Variants in CCDC88A observed in about 807,000 individuals in gnomAD.
CCDC88A encodes the protein coiled-coil and HOOK domain protein 88A.
In CCDC88A, 54 loss-of-function variants were observed where a neutral mutation model predicts 234.3. The ratio of observed to expected loss-of-function variants is 0.23; its 90% CI spans 0.19 to 0.29. The LOEUF (loss-of-function observed/expected upper bound fraction) is 0.29. Ranked by LOEUF, CCDC88A falls within the 10% of genes least tolerant of loss-of-function variation. The pLI is 1.00. For synonymous variants in CCDC88A, 753 were observed against 737.8 expected, an observed-to-expected ratio of 1.02 and a Z score of -0.33; for missense variants, 1,832 against 2,123.4, an observed-to-expected ratio of 0.86 and a Z score of 2.70.
At chr2:55,414,573 A>G (rs1313869076) in intron 2 of CCDC88A, among the ~76,000 whole-genome samples, 1 of 152,232 alleles carries the variant, frequency 6.6e-6, no homozygotes, top group Admixed American at 6.5e-5. Context: ...ACTCAATGAA[A>G]TTCAGGATTC....
intron 2 of CCDC88A, among the ~76,000 whole-genome samples, chr2:55,390,317 G>C: frequency 6.6e-6 from 1 of 152,058 alleles, no homozygotes; most frequent in Middle Eastern, 3.2e-3. Flanking sequence ...TTAGAAGTGG[G>C]AAGACCCTAT....
Position 55,309,272 on chromosome 2 carries a change from C to G in CCDC88A, c.4080-18G>C. The stretch of plus-strand genomic sequence containing the variant: ...ACTTATCACTATAAAATAAAAATTA[C>G]CTTTTAGGACAGGCATCATATTTTG... On this transcript the variant is annotated intron_variant, in intron 23 of 32. Coordinates refer to ENST00000436346, the MANE Select transcript of CCDC88A (RefSeq NM_001365480.1). The surrounding 1 kb of genome is among the most constrained non-coding windows in gnomAD (Gnocchi z 5.1). The G allele has an allele frequency of 3.6e-6, 4 of 1,120,990 alleles. No homozygotes were observed. The highest frequency in any genetic ancestry group is 5.3e-6 in the Non-Finnish European group (4 of 758,444). The allele number at this position is 1,120,990 out of a possible 1,614,324, so 69.4% of individuals were successfully genotyped here.
At chr2:55,354,641 G>A (rs1188822140) in intron 8 of CCDC88A, among the ~76,000 whole-genome samples, 2 of 151,608 alleles carry the variant, frequency 1.3e-5, no homozygotes, top group Non-Finnish European at 2.9e-5. Context: ...TCGGCTCACT[G>A]CAACTTCCAC....
intron 5 of CCDC88A, among the ~76,000 whole-genome samples, chr2:55,367,098 C>T (rs964828857): frequency 6.6e-6 from 1 of 152,118 alleles, no homozygotes; most frequent in African/African-American, 2.4e-5. Flanking sequence ...CTGACACATG[C>T]TATAGCATGA....
chr2:55,388,931 T>A, intron 2 of CCDC88A, 45 bp from the exon 3 acceptor site: 1 of 616,866 alleles, frequency 1.6e-6, no homozygotes, highest in East Asian at 3.4e-5. Flanking sequence ...AAAATACTAC[T>A]ATCAATCTAT....
chr2:55,315,876 C>G (rs1034812785), intron 22 of CCDC88A, 52 bp downstream of exon 22: 1 of 937,816 alleles, frequency 1.1e-6, no homozygotes, highest in Admixed American at 2.8e-5. Flanking sequence ...ATTTCTTAGG[C>G]ATGTCTTGGT....
intron 9 of CCDC88A, 76 bp from the exon 10 acceptor site, chr2:55,346,409 TTTTATTTATTTA>T: frequency 1.3e-6 from 1 of 797,252 alleles, no homozygotes; most frequent in South Asian, 2.3e-5. Flanking sequence ...CAATTTGAAA[TTTTATTTATTTA>T]TTTATTTATT....
At position 55,332,647 on chromosome 2, in the gene CCDC88A, A is replaced by C; in HGVS notation, c.2774T>G (p.Leu925Arg). 1 of 1,613,458 alleles carries C rather than the reference A, an allele frequency of 6.2e-7. No homozygotes were observed. Residue 925 changes from leucine (L) to arginine (R), a missense_variant, in exon 16 of 33, where the codon CTC (leucine) becomes CGC (arginine). Physicochemically the swap from Leu to Arg is moderately radical, Grantham distance 102. This residue lies in a region of CCDC88A where 1,282 missense variants were observed against 1,543.6 expected (regional missense o/e 0.83). Transcript: ENST00000436346. This position sits in a 1 kb window ranked among gnomAD's most constrained non-coding sequence, Gnocchi z 4.5. The part of the protein sequence containing the change: ...KLKTQQMNND[L>R]EKLTHELEKI... ...CTCAAGCTCATGAGTTAATTTTTCGAGATCATTGTTCATCTGTTGGGTCTT... is the reference window on the plus strand; with the variant it reads ...CTCAAGCTCATGAGTTAATTTTTCGCGATCATTGTTCATCTGTTGGGTCTT...
At chr2:55,407,906 C>T (rs933177722) in intron 2 of CCDC88A, among the ~76,000 whole-genome samples, 8 of 147,964 alleles carry the variant, frequency 5.4e-5, no homozygotes, top group African/African-American at 1.7e-4. Flanking sequence ...TTAGTAGAGA[C>T]GGGGTTTCAC....
In CCDC88A at chr2:55,302,083, A is replaced by T. The variant is rs774367318; in HGVS notation, c.4472-11T>A. On this transcript the variant is annotated splice_polypyrimidine_tract_variant and intron_variant, in intron 26 of 32. Transcript: ENST00000436346. ...CCAGGTCATTCATGGCTGGGATGCA[A>T]ATGAAAGCAAATGAATCAGCATGGT... The T allele has an allele frequency of 1.3e-6, 2 of 1,583,540 alleles. No homozygotes were observed. Among genetic ancestry groups the T allele is most frequent in the Admixed American group, 3.3e-5 (2 of 59,946 alleles).
intron 18 of CCDC88A, among the ~76,000 whole-genome samples, chr2:55,319,335 T>TA (rs1439610636): frequency 6.6e-6 from 1 of 152,204 alleles, no homozygotes; most frequent in African/African-American, 2.4e-5. Flanking sequence ...ATGGTTTTAA[T>TA]ACTGCTTGAA....
chr2:55,400,735 T>C (rs999965489), intron 2 of CCDC88A, among the ~76,000 whole-genome samples: 10 of 152,228 alleles, frequency 6.6e-5, no homozygotes, highest in African/African-American at 1.7e-4. Flanking sequence ...AATGGCTCTA[T>C]GCTCTTCTCC....
chr2:55,398,995 C>T lies in CCDC88A; in HGVS notation c.165-10109G>A, dbSNP rs75479447. Among the ~76,000 whole-genome samples the T allele has an allele frequency of 1.8e-3, 273 of 152,134 alleles. 1 individual carries two copies. The East Asian group carries it at 0.043, about 24-fold the overall frequency. On this transcript the variant is annotated intron_variant, in intron 2 of 32. Coordinates refer to ENST00000436346, the MANE Select transcript of CCDC88A (RefSeq NM_001365480.1). The stretch of plus-strand genomic sequence containing the variant: ...GTAGCTTCGGAAAAATAATACCTGG[C>T]TTTGCAGTAAATATTATATAGTTAT...
chr2:55,342,389 A>G (rs990560691), intron 12 of CCDC88A, among the ~76,000 whole-genome samples: 5 of 152,166 alleles, frequency 3.3e-5, no homozygotes, highest in Admixed American at 2.0e-4. Flanking sequence ...GATATTTAAT[A>G]CTTGAATGCT....
chr2:55,365,925 G>T (rs1211319871), intron 5 of CCDC88A, among the ~76,000 whole-genome samples: 1 of 152,038 alleles, frequency 6.6e-6, no homozygotes, highest in African/African-American at 2.4e-5. Flanking sequence ...AGTGCAACTG[G>T]GAAACTGAAA....
chr2:55,326,264 G>A lies in CCDC88A; in HGVS notation c.2997+2030C>T, dbSNP rs139977347. ...ACCCCTGCGCTCAAGCGAACTTGCC[G>A]ACCTCAGCCTTCCAAAGTGCTGGGA... is the stretch of plus-strand genomic sequence containing the variant. On this transcript the variant is annotated intron_variant, in intron 17 of 32. Coordinates refer to ENST00000436346, the MANE Select transcript of CCDC88A (RefSeq NM_001365480.1). 1.5e-3 allele frequency among the ~76,000 whole-genome samples: 233 copies of A among 151,774 alleles called. 1 individual carries two copies. Among genetic ancestry groups the A allele is most frequent in the African/African-American group, 4.4e-3 (183 of 41,382 alleles).
Position 55,295,951 on chromosome 2 carries a change from T to G in CCDC88A, c.5197A>C (p.Arg1733=). 6.2e-7 allele frequency: 1 copy of G among 1,614,134 alleles called. No individual in the cohort carries two copies. The highest frequency in any genetic ancestry group is 8.5e-7 in the Non-Finnish European group (1 of 1,180,000). Reference sequence around the variant, plus strand: ...CCTGGGGTTTTTCCACTTACTGACCTGGCCAGACCACAGCTAACTGGTTTG... The same window carrying G: ...CCTGGGGTTTTTCCACTTACTGACCGGGCCAGACCACAGCTAACTGGTTTG... ...KDKPVSCGLA[R]SVSGKTPGDF... Residue 1733 remains arginine (R), a synonymous_variant, in exon 31 of 33, where the codon AGG becomes CGG. Coordinates refer to ENST00000436346, the MANE Select transcript of CCDC88A (RefSeq NM_001365480.1).
Position 55,332,721 on chromosome 2 carries a change from C to A in CCDC88A, c.2728-28G>T. On this transcript the variant is annotated intron_variant, in intron 15 of 32. Transcript: ENST00000436346. The surrounding 1 kb of genome is among the most constrained non-coding windows in gnomAD (Gnocchi z 4.5). ...TATTTTAAAAGAAATGCAAAACTCACCTAAGTGTCAAGGGTATAAACATCT... is the reference window on the plus strand; with the variant it reads ...TATTTTAAAAGAAATGCAAAACTCAACTAAGTGTCAAGGGTATAAACATCT... The A allele has an allele frequency of 6.2e-7, 1 of 1,607,342 alleles. No individual in the cohort carries two copies. The highest frequency in any genetic ancestry group is 8.5e-7 in the Non-Finnish European group (1 of 1,175,986).
intron 3 of CCDC88A, among the ~76,000 whole-genome samples, chr2:55,383,824 G>A (rs1174334693): frequency 5.3e-5 from 8 of 151,982 alleles, no homozygotes; most frequent in Admixed American, 5.2e-4. Context: ...CTTGCAATGT[G>A]TCATATATTA....
Sources: allele counts gnomAD v4.1 joint callset (sites outside exome capture counted in the v4.1 genomes callset), GRCh38; gene constraint gnomAD v4.1.1; regional missense constraint gnomAD v4.1.1; non-coding constraint Gnocchi (gnomAD v3.1); transcripts MANE v1.5; gene names NCBI Gene and HGNC (gene_info 2026-07-23, HGNC 2026-07-21).